Variants in MEGF6 observed in about 807,000 individuals in gnomAD.
The protein encoded by MEGF6 is multiple epidermal growth factor-like domains protein 6.
In MEGF6, 184 loss-of-function variants were observed where a neutral mutation model predicts 207.1. The observed-to-expected ratio is 0.89, with a 90% CI of 0.79 to 1.00. The LOEUF (loss-of-function observed/expected upper bound fraction) is 1.00. Among genes scored for constraint, MEGF6 ranks in the 50% least tolerant of loss-of-function variants. The probability of loss-of-function intolerance (pLI) is 0.00; values close to 1 mark genes in which losing one functional copy is unlikely to be tolerated. For missense variants in MEGF6, 2,282 were observed against 2,202.9 expected, an observed-to-expected ratio of 1.04 and a Z score of -0.72; for synonymous variants, 1,038 against 910.0, an observed-to-expected ratio of 1.14 and a Z score of -2.53.
chr1:3,523,257 T>A (rs1363244667), intron 5 of MEGF6, among the ~76,000 whole-genome samples: 3 of 151,970 alleles, frequency 2.0e-5, no homozygotes, highest in East Asian at 3.9e-4. Context: ...AGCAAGAGGG[T>A]CAGTCCCGTC....
chr1:3,497,399 G>C, intron 26 of MEGF6, 38 bp from the exon 27 acceptor site: 1 of 1,488,630 alleles, frequency 6.7e-7, no homozygotes, highest in Non-Finnish European at 8.9e-7. Flanking sequence ...TTCTAGGAGG[G>C]GCCCGTGGGG....
chr1:3,618,545 AC>A, the MEGF6 span, among the ~76,000 whole-genome samples: 1 of 151,888 alleles, frequency 6.6e-6, no homozygotes, highest in Admixed American at 6.6e-5. The surrounding 1 kb of genome is among the most constrained non-coding windows in gnomAD (Gnocchi z 4.7). Flanking sequence ...CGAGAATGAC[AC>A]CCCTGCTACT....
intron 8 of MEGF6, 135 bp from the exon 9 acceptor site, chr1:3,511,822 C>T: frequency 6.9e-7 from 1 of 1,455,630 alleles, no homozygotes; most frequent in Non-Finnish European, 9.2e-7. Flanking sequence ...CATGGAGCTC[C>T]CAGGCCTTGT....
rs1305983073 is a variant in MEGF6 at position 3,494,125 on chromosome 1, C to T, written c.4130-1G>A. On this transcript the variant is annotated splice_acceptor_variant, in intron 32 of 36. Transcript: ENST00000356575. LOFTEE classifies it high-confidence loss of function. ...GCCCCGTGGAAGCCAGGGGGACAGG[C>T]TGAAGGACGCCGGTTACCACGAGAC... 1.9e-6 allele frequency: 3 copies of T among 1,556,096 alleles called. No individual in the cohort carries two copies. The highest frequency in any genetic ancestry group is 1.2e-5 in the South Asian group (1 of 82,378).
intron 21 of MEGF6, 103 bp from the exon 22 acceptor site, chr1:3,500,027 G>A (rs1238533918): frequency 1.4e-6 from 2 of 1,424,572 alleles, no homozygotes; most frequent in Non-Finnish European, 1.8e-6. Flanking sequence ...GACAGGCCTG[G>A]CTCATGAGAA....
rs1384729379 is a variant in MEGF6 at position 3,501,253 on chromosome 1, C to T, written c.2370G>A (p.Gln790=). 1 of 1,609,154 alleles carries T rather than the reference C, an allele frequency of 6.2e-7. No individual in the cohort carries two copies. The highest frequency in any genetic ancestry group is 1.7e-5 in the Admixed American group (1 of 59,602). Residue 790 remains glutamine, a synonymous_variant, in exon 19 of 37, where the codon CAG becomes CAA. Transcript: ENST00000356575. The stretch of plus-strand genomic sequence containing the variant: ...TCTCAGGGTCGCAGCGGGCAGCGTG[C>T]TGGCATGCTGGGCAGATCTCCTGGC... ...LGCQEICPAC[Q]HAARCDPETG... is the part of the protein sequence containing the mutation.
At chr1:3,555,750 T>A (rs1643015246) in intron 4 of MEGF6, among the ~76,000 whole-genome samples, 1 of 152,142 alleles carries the variant, frequency 6.6e-6, no homozygotes. Context: ...CAGAAGCTCC[T>A]CCTGGGGTCT....
chr1:3,572,077 TGGTATGCTGGGTCCTCCC>T (rs2101702433), intron 4 of MEGF6, among the ~76,000 whole-genome samples: 1 of 123,596 alleles, frequency 8.1e-6, no homozygotes, highest in Middle Eastern at 6.9e-3. Context: ...GGGTCCTTCC[TGGTATGCTGGGTCCTCCC>T]GGGTGTGCTG....
chr1:3,580,116 C>T (rs1321036851), intron 3 of MEGF6, among the ~76,000 whole-genome samples, 187 bp from the exon 4 acceptor site: 2 of 152,134 alleles, frequency 1.3e-5, no homozygotes, highest in East Asian at 1.9e-4. Flanking sequence ...ACTCCAGCCA[C>T]GGCCACGTGC....
Position 3,497,021 on chromosome 1 carries a change from C to T in MEGF6, c.3580G>A (p.Ala1194Thr). 3.9e-6 allele frequency: 6 copies of T among 1,551,608 alleles called. No homozygotes were observed. The highest frequency in any genetic ancestry group is 1.7e-4 in the Middle Eastern group (1 of 5,920). ...CHPATGTCSC[A>T]AGYHGPSCQQ... ...CAGCTGGGGCCGTGGTAGCCAGCAGCACATGAGCAGGTCCCGGTGGCAGGG... is the reference window on the plus strand; with the variant it reads ...CAGCTGGGGCCGTGGTAGCCAGCAGTACATGAGCAGGTCCCGGTGGCAGGG... The change falls in exon 28 of 37, where the codon GCT becomes ACT. Residue 1194 changes from alanine to threonine, a missense_variant. Transcript: ENST00000356575.
In MEGF6 at chr1:3,497,487, T is replaced by C. The variant is rs1242789261; in HGVS notation, c.3353-126A>G. 2.5e-6 allele frequency: 3 copies of C among 1,222,758 alleles called. No homozygotes were observed. In the Admixed American group the frequency reaches 8.4e-5, roughly 34 times the overall value. 75.7% of individuals were successfully genotyped at this position (1,222,758 alleles called of 1,614,324 possible). A position where few individuals can be genotyped will look rare whatever the true frequency, so the allele number is the denominator to read the frequency against. On this transcript the variant is annotated intron_variant, in intron 26 of 36. Coordinates refer to ENST00000356575, the MANE Select transcript of MEGF6 (RefSeq NM_001409.4). Reference sequence around the variant, plus strand: ...ATGCTGGCTGAACTGGGGGCTGTGCTCACCATTCTCACACCTGGAGCCCCC... The same window carrying C: ...ATGCTGGCTGAACTGGGGGCTGTGCCCACCATTCTCACACCTGGAGCCCCC...
intron 1 of MEGF6, among the ~76,000 whole-genome samples, chr1:3,607,783 C>A (rs1422603148): frequency 5.9e-5 from 9 of 152,230 alleles, no homozygotes; most frequent in African/African-American, 2.2e-4. Flanking sequence ...GGACCTGGTG[C>A]AGTCGGAGGC....
intron 5 of MEGF6, among the ~76,000 whole-genome samples, chr1:3,522,886 G>A (rs1402580962): frequency 1.3e-5 from 2 of 152,186 alleles, no homozygotes; most frequent in East Asian, 1.9e-4. Flanking sequence ...GGGACCAGGG[G>A]GTGCAAGGCT....
intron 4 of MEGF6, among the ~76,000 whole-genome samples, chr1:3,555,568 C>G (rs1320432870): frequency 6.6e-6 from 1 of 152,238 alleles, no homozygotes; most frequent in Non-Finnish European, 1.5e-5. Flanking sequence ...CCTGCGGCCC[C>G]CATCCTCCAC....
In MEGF6 at chr1:3,511,692, C is replaced by T. The variant is rs534718450; in HGVS notation, c.977-5G>A. 1.3e-5 allele frequency: 21 copies of T among 1,601,228 alleles called. No homozygotes were observed. Among genetic ancestry groups the T allele is most frequent in the Middle Eastern group, 1.7e-4 (1 of 6,046 alleles). Reference sequence around the variant, plus strand: ...TCACGATTTCCATCTCAATCCCTGCCGTGAGACCAGCCACCCAGGGTATGG... The same window carrying T: ...TCACGATTTCCATCTCAATCCCTGCTGTGAGACCAGCCACCCAGGGTATGG... On this transcript the variant is annotated splice_polypyrimidine_tract_variant and splice_region_variant and intron_variant, in intron 8 of 36. Coordinates refer to ENST00000356575, the MANE Select transcript of MEGF6 (RefSeq NM_001409.4).
At chr1:3,528,103 C>T (rs564778621) in intron 4 of MEGF6, among the ~76,000 whole-genome samples, 3 of 152,326 alleles carry the variant, frequency 2.0e-5, no homozygotes, top group African/African-American at 7.2e-5. Context: ...CTGGACACAG[C>T]GAGCCAGCTC....
At chr1:3,561,772 C>G (rs1643209229) in intron 4 of MEGF6, among the ~76,000 whole-genome samples, 1 of 152,280 alleles carries the variant, frequency 6.6e-6, no homozygotes, top group African/African-American at 2.4e-5. Flanking sequence ...GCCAGGCCAT[C>G]TGACTTCGCT....
At position 3,594,531 on chromosome 1, in the gene MEGF6, T is replaced by A. The variant is rs1397961894; in HGVS notation, c.376+807A>T. Among the ~76,000 whole-genome samples the A allele has an allele frequency of 6.6e-6, 1 of 152,212 alleles. No homozygotes were observed. The highest frequency in any genetic ancestry group is 2.4e-5 in the African/African-American group (1 of 41,460). ...TGTCCCTCACTGGCAGGATGCCACC[T>A]CGATTTTTTAGGGGAGGCCGGCTTT... On this transcript the variant is annotated intron_variant, in intron 3 of 36. Transcript: ENST00000356575. This position sits in a 1 kb window ranked among gnomAD's most constrained non-coding sequence, Gnocchi z 4.2.
chr1:3,552,206 C>T (rs1642909427), intron 4 of MEGF6, among the ~76,000 whole-genome samples: 1 of 152,232 alleles, frequency 6.6e-6, no homozygotes, highest in African/African-American at 2.4e-5. Flanking sequence ...CAAACCTGGC[C>T]ACAGAGGAGC....
Sources: allele counts gnomAD v4.1 joint callset (sites outside exome capture counted in the v4.1 genomes callset), GRCh38; gene constraint gnomAD v4.1.1; non-coding constraint Gnocchi (gnomAD v3.1); transcripts MANE v1.5; gene names NCBI Gene and HGNC (gene_info 2026-07-23, HGNC 2026-07-21).